MET: variants seen among roughly 807,000 people sequenced by gnomAD.
MET encodes hepatocyte growth factor receptor.
Under a neutral mutation model 133.1 loss-of-function variants are expected in MET, and 48 were observed. The ratio of observed to expected loss-of-function variants is 0.36; its 90% CI spans 0.29 to 0.46. The LOEUF is 0.46. Ranked by LOEUF, MET falls within the 20% of genes least tolerant of loss-of-function variation. The probability of loss-of-function intolerance (pLI) is 1.00; values close to 1 mark genes in which losing one functional copy is unlikely to be tolerated. For missense variants in MET, 1,442 were observed against 1,695.9 expected (o/e 0.85, Z 2.63); for synonymous variants, 628 against 616.5 (o/e 1.02, Z -0.28).
intron 5 of MET, among the ~76,000 whole-genome samples, chr7:116,746,628 T>C (rs1253211360): frequency 6.6e-6 from 1 of 152,132 alleles, no homozygotes; most frequent in African/African-American, 2.4e-5. Context: ...ATGTCCTTTG[T>C]AGGGACATGG....
chr7:116,727,700 T>C (rs1225180946), intron 2 of MET, among the ~76,000 whole-genome samples: 1 of 152,190 alleles, frequency 6.6e-6, no homozygotes, highest in Non-Finnish European at 1.5e-5. Flanking sequence ...AGGGGACCCC[T>C]GACAGCAAAT....
intron 10 of MET, among the ~76,000 whole-genome samples, 165 bp from the exon 11 acceptor site, chr7:116,762,885 C>T (rs1794448307): frequency 1.3e-5 from 2 of 152,154 alleles, no homozygotes; most frequent in Admixed American, 1.3e-4. Flanking sequence ...GATAATTTTG[C>T]ATGTATCGTG....
chr7:116,763,856 A>T (rs927420616), intron 11 of MET, among the ~76,000 whole-genome samples: 2 of 152,230 alleles, frequency 1.3e-5, no homozygotes, highest in African/African-American at 4.8e-5. Context: ...TTGACAAGTG[A>T]CAAAATAGTG....
intron 3 of MET, among the ~76,000 whole-genome samples, chr7:116,734,221 G>A (rs189269601): frequency 8.0e-4 from 122 of 152,080 alleles, no homozygotes; most frequent in Admixed American, 1.9e-3. Context: ...AAATAGAATG[G>A]ACATTTTTTT....
intron 1 of MET, among the ~76,000 whole-genome samples, chr7:116,688,910 A>G (rs1244096375): frequency 5.3e-5 from 8 of 152,358 alleles, no homozygotes; most frequent in Middle Eastern, 3.4e-3. Context: ...TCTGTCAAAG[A>G]AACAACATTT....
intron 14 of MET, among the ~76,000 whole-genome samples, chr7:116,773,656 C>T (rs932996544): frequency 4.6e-5 from 7 of 152,170 alleles, no homozygotes; most frequent in African/African-American, 1.4e-4. Flanking sequence ...TCCTCACTCA[C>T]CCAACATTTC....
chr7:116,726,698 G>T (rs1792803808), intron 2 of MET, among the ~76,000 whole-genome samples: 1 of 152,182 alleles, frequency 6.6e-6, no homozygotes, highest in Admixed American at 6.5e-5. Context: ...GTCCTAGATT[G>T]TCACCTTGCC....
chr7:116,684,178 T>C (rs1017212598), intron 1 of MET, among the ~76,000 whole-genome samples: 13 of 152,250 alleles, frequency 8.5e-5, no homozygotes, highest in Admixed American at 5.2e-4. Flanking sequence ...TTTTTAGCCA[T>C]TCTTGGCTTT....
intron 5 of MET, among the ~76,000 whole-genome samples, chr7:116,742,163 C>A (rs1474014047): frequency 1.3e-5 from 2 of 152,154 alleles, no homozygotes; most frequent in Non-Finnish European, 2.9e-5. Context: ...CGAGTCAGAA[C>A]AAGAACCACC....
At chr7:116,779,025 C>A (rs2117049362) in intron 17 of MET, 68 bp downstream of exon 17, 1 of 1,504,134 alleles carries the variant, frequency 6.6e-7, no homozygotes, top group Non-Finnish European at 9.2e-7. Flanking sequence ...CAAAATAGGC[C>A]TGCTCTGAGT....
At chr7:116,694,813 A>T (rs977360679) in intron 1 of MET, among the ~76,000 whole-genome samples, 2 of 152,052 alleles carry the variant, frequency 1.3e-5, no homozygotes, top group African/African-American at 4.8e-5. Flanking sequence ...CAGCCTCCCA[A>T]GTAGCTGGGA....
intron 6 of MET, among the ~76,000 whole-genome samples, chr7:116,756,063 G>A (rs1216606981): frequency 6.6e-6 from 1 of 152,180 alleles, no homozygotes; most frequent in Admixed American, 6.5e-5. Flanking sequence ...CCACGGTCCT[G>A]GGAGGGAGCA....
At chr7:116,745,674 T>C (rs1002978484) in intron 5 of MET, among the ~76,000 whole-genome samples, 3 of 152,194 alleles carry the variant, frequency 2.0e-5, no homozygotes, top group African/African-American at 7.2e-5. Context: ...AAACAAGGTA[T>C]GGGGAAAGGA....
At chr7:116,747,337 G>A (rs1793730975) in intron 5 of MET, among the ~76,000 whole-genome samples, 1 of 152,062 alleles carries the variant, frequency 6.6e-6, no homozygotes, top group Non-Finnish European at 1.5e-5. Context: ...CTGGCAAATT[G>A]GATAAAGAGT....
intron 1 of MET, 70 bp from the exon 2 acceptor site, chr7:116,699,001 G>GTA: frequency 6.2e-7 from 1 of 1,602,536 alleles, no homozygotes; most frequent in Non-Finnish European, 8.5e-7. Flanking sequence ...AGATTAAATG[G>GTA]TATAGGTCTT....
chr7:116,680,744 C>A (rs1457545983), intron 1 of MET, among the ~76,000 whole-genome samples: 1 of 152,032 alleles, frequency 6.6e-6, no homozygotes, highest in Non-Finnish European at 1.5e-5. Context: ...GAGTTTGAGA[C>A]CAGCCTGGGC....
chr7:116,763,364 C>A (rs745448709), intron 11 of MET, 96 bp downstream of exon 11: 2 of 1,064,770 alleles, frequency 1.9e-6, no homozygotes, highest in African/African-American at 1.6e-5. Context: ...GCCATTGTAT[C>A]TTATACAACA....
At chr7:116,709,918 A>G (rs1791931156) in intron 2 of MET, among the ~76,000 whole-genome samples, 1 of 152,200 alleles carries the variant, frequency 6.6e-6, no homozygotes, top group African/African-American at 2.4e-5. Context: ...GGCTTAAGGA[A>G]CTGAATTAAA....
At chr7:116,764,232 C>T (rs1215721337) in intron 11 of MET, among the ~76,000 whole-genome samples, 3 of 152,112 alleles carry the variant, frequency 2.0e-5, no homozygotes, top group Non-Finnish European at 2.9e-5. Context: ...TACAAGTTTA[C>T]TAACCTCATT....
Sources: gnomAD v4.1 joint callset for allele counts (sites outside exome capture counted in the v4.1 genomes callset) on GRCh38, gnomAD v4.1.1 for gene constraint, MANE v1.5 for transcripts, NCBI Gene and HGNC (gene_info 2026-07-23, HGNC 2026-07-21) for gene names.